The following CHM variants were observed in gnomAD, a reference collection of about 807,000 sequenced individuals.
CHM encodes CHM Rab escort protein.
In CHM, 10 loss-of-function variants were observed where a neutral mutation model predicts 49.0. The ratio of observed to expected loss-of-function variants is 0.20; its 90% CI spans 0.13 to 0.35. The LOEUF (loss-of-function observed/expected upper bound fraction) is 0.35, where lower values mean the gene tolerates loss of function less well. CHM is among the 10% of genes least tolerant of loss of function. CHM has a pLI of 1.00. For synonymous variants in CHM, 184 were observed against 167.5 expected (o/e 1.10, Z -0.76); for missense variants, 455 against 478.4 (o/e 0.95, Z 0.46).
chrX:85,935,296 C>T (rs749478653), intron 8 of CHM, among the ~76,000 whole-genome samples: 68 of 111,604 alleles, frequency 6.1e-4, no homozygotes, highest in African/African-American at 2.2e-3. Context: ...AGGAATCCAC[C>T]CCCATGTCCC....
At chrX:85,880,877 G>A (rs1337632801) in intron 12 of CHM, among the ~76,000 whole-genome samples, 1 of 111,337 alleles carries the variant, frequency 9.0e-6, no homozygotes, top group Non-Finnish European at 1.9e-5. Flanking sequence ...TCCCCTTACC[G>A]TTCCTGCTTT....
intron 8 of CHM, among the ~76,000 whole-genome samples, chrX:85,955,367 GCCT>G (rs1445266472): frequency 9.0e-6 from 1 of 111,204 alleles, no homozygotes; most frequent in Middle Eastern, 4.2e-3. Flanking sequence ...AAACACATAT[GCCT>G]CCTATGTACC....
At chrX:85,866,967 GA>G (rs894016130) in intron 14 of CHM, among the ~76,000 whole-genome samples, 2 of 112,671 alleles carry the variant, frequency 1.8e-5, no homozygotes, top group Non-Finnish European at 3.8e-5. Context: ...ACTTGTCTCA[GA>G]TGAGACTTTG....
chrX:85,963,825 T>C lies in CHM; in HGVS notation c.542A>G (p.His181Arg). 1 of 1,211,791 alleles carries C rather than the reference T, an allele frequency of 8.3e-7. No homozygotes were observed. Among genetic ancestry groups the C allele is most frequent in the Non-Finnish European group, 1.1e-6 (1 of 895,531 alleles). ...TGGCACACAAGTTTTATCATCACAA[T>C]GGTTTTCTTTTTCCCCTGTCACTTC... is the stretch of plus-strand genomic sequence containing the variant. ...GAEVTGEKEN[H>R]CDDKTCVPST... The change falls in exon 5 of 15, where the codon CAT becomes CGT. Residue 181 changes from histidine to arginine, a missense_variant. Physicochemically the swap from His to Arg is conservative, Grantham distance 29 (BLOSUM62 0). Transcript: ENST00000357749.
chrX:85,971,004 A>G (rs1001242155), intron 4 of CHM: 2 of 660,033 alleles, frequency 3.0e-6, no homozygotes, highest in African/African-American at 4.8e-5. Flanking sequence ...AAAACCTTTA[A>G]GTTGAATAAT....
Position 85,862,522 on chromosome X carries a change from T to A in CHM, c.*2108A>T, listed in dbSNP as rs1923413928. ...CCCAGCTGGGTTTCAGGAAACATGA[T>A]TTGATATAAGAAAAATCGAATCCCT... On this transcript the variant is annotated 3_prime_UTR_variant, in exon 15 of 15. Transcript: ENST00000357749. 8.9e-6 allele frequency: 1 copy of A among 112,040 alleles called. No homozygotes were observed. Among genetic ancestry groups the A allele is most frequent in the Non-Finnish European group, 1.9e-5 (1 of 53,186 alleles). The allele number at this position is 112,040 out of a possible 1,213,427, so 9.2% of individuals were successfully genotyped here.
intron 2 of CHM, among the ~76,000 whole-genome samples, chrX:85,996,966 T>C (rs1299429119): frequency 8.9e-6 from 1 of 111,975 alleles, no homozygotes; most frequent in Non-Finnish European, 1.9e-5. Context: ...TTTTCTTCCC[T>C]CAACATCTGC....
chrX:85,939,404 G>T (rs956646496), intron 8 of CHM, among the ~76,000 whole-genome samples: 37 of 112,246 alleles, frequency 3.3e-4, no homozygotes, highest in African/African-American at 1.2e-3. Flanking sequence ...CTAGATATGA[G>T]ATATTTCTTC....
Position 85,978,111 on chromosome X carries a change from A to C in CHM, c.314+656T>G, listed in dbSNP as rs182727044. On this transcript the variant is annotated intron_variant, in intron 4 of 14. Transcript: ENST00000357749. ...TGTGATTATTACCTTTTAACCTGTC[A>C]ATCATATATCATTTGAAAAAGTATA... Among the ~76,000 whole-genome samples the C allele has an allele frequency of 8.9e-5, 10 of 111,979 alleles. No homozygotes were observed. The East Asian group carries it at 2.8e-3, about 31-fold the overall frequency.
In CHM at chrX:86,008,373, G is replaced by T. The variant is rs191337819; in HGVS notation, c.116+19118C>A. Among the ~76,000 whole-genome samples the T allele has an allele frequency of 3.5e-3, 391 of 110,595 alleles. 1 individual carries two copies. Among genetic ancestry groups the T allele is most frequent in the Non-Finnish European group, 6.5e-3 (341 of 52,844 alleles). ...TATACCCTATGTATCAAACCTGCAC[G>T]TTGTGTACATGTACCCTAGAACTTA... On this transcript the variant is annotated intron_variant, in intron 2 of 14. Transcript: ENST00000357749.
At chrX:85,871,320 A>AAAAAAAAAAAAAAG (rs1487188345) in intron 14 of CHM, among the ~76,000 whole-genome samples, 4 of 102,993 alleles carry the variant, frequency 3.9e-5, no homozygotes, top group African/African-American at 1.5e-4. Flanking sequence ...AAAAAAAAAA[A>AAAAAAAAAAAAAAG]AAGAAGAAAT....
intron 4 of CHM, among the ~76,000 whole-genome samples, chrX:85,964,895 C>T (rs1290077185): frequency 1.8e-5 from 2 of 112,707 alleles, no homozygotes. Context: ...CCACTATTTT[C>T]ACTGAGTTGC....
At chrX:85,973,170 G>A (rs945693845) in intron 4 of CHM, among the ~76,000 whole-genome samples, 8 of 106,209 alleles carry the variant, frequency 7.5e-5, no homozygotes, top group African/African-American at 1.0e-4. Flanking sequence ...ATGGTGGCAC[G>A]TGCCTGTAGT....
At chrX:85,953,080 AG>A (rs1178700773) in intron 8 of CHM, among the ~76,000 whole-genome samples, 1 of 112,678 alleles carries the variant, frequency 8.9e-6, no homozygotes, top group Non-Finnish European at 1.9e-5. Context: ...GTAAAGTTGC[AG>A]GGTATAAAAT....
In CHM at chrX:86,007,009, A is replaced by G. The variant is rs769816180; in HGVS notation, c.116+20482T>C. Reference sequence around the variant, plus strand: ...GCATCACGCTACCTGACTTCAAACTATACTACAAGGCTACAGTAACCAAAA... The same window carrying G: ...GCATCACGCTACCTGACTTCAAACTGTACTACAAGGCTACAGTAACCAAAA... On this transcript the variant is annotated intron_variant, in intron 2 of 14. Coordinates refer to ENST00000357749, the MANE Select transcript of CHM (RefSeq NM_000390.4). Among the ~76,000 whole-genome samples the G allele has an allele frequency of 8.0e-5, 9 of 111,924 alleles. No individual in the cohort carries two copies. The East Asian group carries it at 2.0e-3, about 25-fold the overall frequency.
chrX:85,926,727 T>C (rs1450031811), intron 8 of CHM, among the ~76,000 whole-genome samples: 3 of 111,923 alleles, frequency 2.7e-5, no homozygotes, highest in Non-Finnish European at 5.7e-5. Context: ...GGGCTAAGGA[T>C]GAAATTGAGG....
chrX:85,901,037 T>C (rs1409372322), intron 10 of CHM, 47 bp downstream of exon 10: 1 of 863,527 alleles, frequency 1.2e-6, no homozygotes, highest in Non-Finnish European at 1.7e-6. Context: ...TACACAGGAA[T>C]GTCAATAAAA....
At chrX:86,015,661 G>A (rs1271358510) in intron 2 of CHM, among the ~76,000 whole-genome samples, 1 of 112,046 alleles carries the variant, frequency 8.9e-6, no homozygotes, top group Non-Finnish European at 1.9e-5. Context: ...GGGCGGAGGT[G>A]GCCTCAGATG....
chrX:85,945,852 C>T (rs1929378616), intron 8 of CHM, among the ~76,000 whole-genome samples: 1 of 111,696 alleles, frequency 9.0e-6, no homozygotes, highest in Non-Finnish European at 1.9e-5. Flanking sequence ...GATCAAAATG[C>T]TGACAGTTAT....
Sources: allele counts gnomAD v4.1 joint callset (sites outside exome capture counted in the v4.1 genomes callset), GRCh38; gene constraint gnomAD v4.1.1; transcripts MANE v1.5; gene names NCBI Gene and HGNC (gene_info 2026-07-23, HGNC 2026-07-21).